Variants in HEATR5B observed in about 807,000 individuals in gnomAD.
HEATR5B encodes the protein HEAT repeat-containing protein 5B.
A neutral mutation model predicts 224.1 loss-of-function variants in HEATR5B; 156 were observed. That is an observed-to-expected ratio of 0.70 (90% CI 0.61 to 0.80). The LOEUF is 0.80. Among genes scored for constraint, HEATR5B ranks in the 30% least tolerant of loss-of-function variants. HEATR5B has a pLI of 0.00. For missense variants in HEATR5B, 2,323 were observed against 2,535.5 expected (o/e 0.92, Z 1.80); for synonymous variants, 1,027 against 893.0 (o/e 1.15, Z -2.68).
chr2:37,082,129 G>A (rs1672618682), intron 2 of HEATR5B, among the ~76,000 whole-genome samples: 1 of 124,588 alleles, frequency 8.0e-6, no homozygotes, highest in African/African-American at 3.1e-5. Flanking sequence ...GAGTGCATTA[G>A]TGCGATCTCG....
At chr2:37,054,129 T>C (rs1021799253) in intron 16 of HEATR5B, among the ~76,000 whole-genome samples, 1 of 150,702 alleles carries the variant, frequency 6.6e-6, no homozygotes, top group African/African-American at 2.4e-5. Flanking sequence ...GTTTTTTATA[T>C]TAATAAAAAA....
intron 27 of HEATR5B, among the ~76,000 whole-genome samples, chr2:37,009,392 A>T (rs1667646590): frequency 6.6e-6 from 1 of 151,828 alleles, no homozygotes; most frequent in African/African-American, 2.4e-5. Flanking sequence ...TGGGTAATAT[A>T]GCAAGACCCT....
rs1428683384 is a variant in HEATR5B at position 36,988,636 on chromosome 2, A to G, written c.5911+10T>C. On this transcript the variant is annotated intron_variant, in intron 35 of 35. Coordinates refer to ENST00000233099, the MANE Select transcript of HEATR5B (RefSeq NM_019024.3). ...TCTGAACTAGTAGCTTTTTATAAGA[A>G]TATACTTACTGTTTTGTTCTTCACC... is the stretch of plus-strand genomic sequence containing the variant. The G allele has an allele frequency of 1.3e-6, 2 of 1,596,916 alleles. No individual in the cohort carries two copies. The highest frequency in any genetic ancestry group is 1.7e-6 in the Non-Finnish European group (2 of 1,165,052).
At chr2:37,068,381 T>G (rs1263797668) in intron 8 of HEATR5B, among the ~76,000 whole-genome samples, 1 of 152,092 alleles carries the variant, frequency 6.6e-6, no homozygotes, top group Non-Finnish European at 1.5e-5. Context: ...AAGAGGACAA[T>G]AGATTACTCC....
rs1233284136 is a variant in HEATR5B at position 37,056,570 on chromosome 2, G to C, written c.2269C>G (p.Pro757Ala). The change falls in exon 16 of 36, where the codon CCT (proline) becomes GCT (alanine). Residue 757 changes from proline to alanine, a missense_variant. Around this residue, in one of 12 missense-constraint regions of HEATR5B, gnomAD observed 170 missense variants for 216.7 expected, o/e 0.78. Coordinates refer to ENST00000233099, the MANE Select transcript of HEATR5B (RefSeq NM_019024.3). ...ASGSGALEHDPSSIYLRIPAG... is the reference protein window; with the variant it reads ...ASGSGALEHDASSIYLRIPAG... ...GGTATGCGTAAATAAATAGAGGAAG[G>C]ATCATGCTCCAGAGCCCCACTTCCA... 5.6e-6 allele frequency: 9 copies of C among 1,612,182 alleles called. No individual in the cohort carries two copies. The East Asian group carries it at 2.0e-4, about 36-fold the overall frequency.
At chr2:37,060,856 T>C in intron 11 of HEATR5B, 123 bp from the exon 12 acceptor site, 1 of 647,804 alleles carries the variant, frequency 1.5e-6, no homozygotes, top group Non-Finnish European at 2.5e-6. Context: ...AGTAAAATAC[T>C]GATGTTTAAC....
intron 27 of HEATR5B, among the ~76,000 whole-genome samples, chr2:37,009,062 A>T (rs1667617597): frequency 6.6e-6 from 1 of 151,916 alleles, no homozygotes; most frequent in African/African-American, 2.4e-5. Flanking sequence ...GATTGAGACC[A>T]TCCTGGCCAA....
chr2:37,014,931 C>T (rs1443249106), intron 26 of HEATR5B, among the ~76,000 whole-genome samples: 1 of 151,676 alleles, frequency 6.6e-6, no homozygotes, highest in East Asian at 1.9e-4. Context: ...GAGCCGAGAT[C>T]GCACCACTGC....
At chr2:37,025,521 G>A (rs116350384) in intron 24 of HEATR5B, among the ~76,000 whole-genome samples, 1 of 149,746 alleles carries the variant, frequency 6.7e-6, no homozygotes, top group Non-Finnish European at 1.5e-5. Context: ...GGCTGCTATG[G>A]TATAAAAACA....
rs1672721418 is a variant in HEATR5B at position 37,083,163 on chromosome 2, T to C, written c.126+126A>G. On this transcript the variant is annotated intron_variant, in intron 2 of 35. Coordinates refer to ENST00000233099, the MANE Select transcript of HEATR5B (RefSeq NM_019024.3). ...GTTTTGCCACTAAATTTCCCATTCG[T>C]GTAATACTCTCAAGTTCCATAAGTG... is the stretch of plus-strand genomic sequence containing the variant. 4.9e-6 allele frequency: 5 copies of C among 1,030,868 alleles called. No individual in the cohort carries two copies. The South Asian group carries it at 6.8e-5, about 14-fold the overall frequency. 63.9% of individuals were successfully genotyped at this position (1,030,868 alleles called of 1,614,324 possible). A position where few individuals can be genotyped will look rare whatever the true frequency, so the allele number is the denominator to read the frequency against.
intron 5 of HEATR5B, among the ~76,000 whole-genome samples, chr2:37,075,215 A>C (rs1672152885): frequency 6.6e-6 from 1 of 152,226 alleles, no homozygotes; most frequent in Non-Finnish European, 1.5e-5. Context: ...CATACAATGA[A>C]ATACTACTCA....
chr2:37,078,750 G>A (rs904730318), intron 3 of HEATR5B, among the ~76,000 whole-genome samples: 8 of 152,168 alleles, frequency 5.3e-5, no homozygotes, highest in South Asian at 4.2e-4. Flanking sequence ...GAATGTTGAC[G>A]TTCTAGAGTT....
chr2:37,056,726 A>G (rs1670935464), intron 15 of HEATR5B, 111 bp from the exon 16 acceptor site: 1 of 867,004 alleles, frequency 1.2e-6, no homozygotes, highest in Admixed American at 3.4e-5. Context: ...GCAACAAAAA[A>G]AGAATGATTG....
Position 37,037,869 on chromosome 2 carries a change from C to A in HEATR5B, c.3202G>T (p.Val1068Phe). 3 of 1,556,302 alleles carry A rather than the reference C, an allele frequency of 1.9e-6. No homozygotes were observed. Among genetic ancestry groups the A allele is most frequent in the African/African-American group, 1.4e-5 (1 of 73,296 alleles). Residue 1068 changes from valine (V) to phenylalanine (F), a missense_variant, in exon 21 of 36, where the codon GTT becomes TTT. Val to Phe is a conservative substitution (Grantham distance 50). Around this residue, in one of 12 missense-constraint regions of HEATR5B, gnomAD observed 88 missense variants for 86.8 expected, o/e 1.01. Transcript: ENST00000233099. Reference protein sequence around the residue: ...APRHVNLSSLVPSLCVHLCSS... With the variant: ...APRHVNLSSLFPSLCVHLCSS... ...TCTATACTTACACAAAGGCTAGGAA[C>A]AAGGCTAGATAGATTGACATGTCGT...
chr2:37,024,846 A>G (rs780609038), intron 24 of HEATR5B, among the ~76,000 whole-genome samples: 3 of 152,176 alleles, frequency 2.0e-5, no homozygotes. Flanking sequence ...CAACAACCAG[A>G]GTGCTGCTGC....
At chr2:37,002,175 A>G (rs1252351735) in intron 32 of HEATR5B, 131 bp downstream of exon 32, 9 of 1,039,194 alleles carry the variant, frequency 8.7e-6, no homozygotes, top group Non-Finnish European at 1.3e-5. Flanking sequence ...AACCTTAAAA[A>G]AAGACCAGCT....
chr2:37,028,072 T>A lies in HEATR5B; in HGVS notation c.3704A>T (p.Asp1235Val). ...AGGGGCCACAAAGGGCTTTGATTTA[T>A]CTTCTTCACCTAACGTGGTAAACAT... ...DTMFTTLGEE[D>V]KSKPFVAPRW... Residue 1235 changes from aspartate (D) to valine (V), a missense_variant, in exon 24 of 36, where the codon GAT (aspartate) becomes GTT (valine). Physicochemically the swap from Asp to Val is radical, Grantham distance 152. Coordinates refer to ENST00000233099, the MANE Select transcript of HEATR5B (RefSeq NM_019024.3). The A allele has an allele frequency of 6.2e-7, 1 of 1,614,126 alleles. No homozygotes were observed. Among genetic ancestry groups the A allele is most frequent in the Non-Finnish European group, 8.5e-7 (1 of 1,179,968 alleles).
At chr2:37,061,174 G>A (rs1429017528) in intron 11 of HEATR5B, among the ~76,000 whole-genome samples, 1 of 151,976 alleles carries the variant, frequency 6.6e-6, no homozygotes, top group Non-Finnish European at 1.5e-5. Flanking sequence ...CTTAGTTTTG[G>A]GGGCAATTTA....
rs376713320 is a variant in HEATR5B, at chr2:37,053,473, T to A, written c.2505+29A>T. On this transcript the variant is annotated intron_variant, in intron 17 of 35. Transcript: ENST00000233099. ...TAAATGCATTAATTAAAAACTTATT[T>A]CAGAATAGTATGTATTAAAAGTAAA... The A allele has an allele frequency of 3.2e-5, 41 of 1,276,514 alleles. No homozygotes were observed. The African/African-American group carries it at 5.7e-4, about 18-fold the overall frequency. 79.1% of individuals were successfully genotyped at this position (1,276,514 alleles called of 1,614,324 possible).
Sources: allele counts gnomAD v4.1 joint callset (sites outside exome capture counted in the v4.1 genomes callset), GRCh38; gene constraint gnomAD v4.1.1; regional missense constraint gnomAD v4.1.1; transcripts MANE v1.5; gene names NCBI Gene and HGNC (gene_info 2026-07-23, HGNC 2026-07-21).